LYPD6: variants seen among roughly 807,000 people sequenced by gnomAD.
LYPD6 encodes LY6/PLAUR domain containing 6, also known as ly6/PLAUR domain-containing protein 6.
In LYPD6, 15 loss-of-function variants were observed where a neutral mutation model predicts 22.7. That is an observed-to-expected ratio of 0.66 (90% confidence interval 0.44 to 1.02). The LOEUF is 1.02. LYPD6 is among the 50% of genes least tolerant of loss of function. The pLI, the probability that LYPD6 is intolerant of heterozygous loss-of-function variation, is 0.00. For synonymous variants in LYPD6, 72 were observed against 77.5 expected, an observed-to-expected ratio of 0.93 and a Z score of 0.37; for missense variants, 189 against 208.4, an observed-to-expected ratio of 0.91 and a Z score of 0.57.
chr2:149,340,703 T>C (rs1033888976), intron 1 of LYPD6, among the ~76,000 whole-genome samples: 21 of 152,174 alleles, frequency 1.4e-4, no homozygotes, highest in East Asian at 7.7e-4. Context: ...AACCAACATA[T>C]AGTTTTTGAC....
At chr2:149,461,368 T>C (rs748208928) in intron 3 of LYPD6, among the ~76,000 whole-genome samples, 1 of 151,920 alleles carries the variant, frequency 6.6e-6, no homozygotes, top group Non-Finnish European at 1.5e-5. Flanking sequence ...AATAGTCCTA[T>C]AACTCCTAAG....
chr2:149,407,470 C>T lies in LYPD6; in HGVS notation c.-71-30168C>T, dbSNP rs537619933. ...TTTCTCTAAACTTCCCTTCTCGCTT[C>T]ATTTCATTCATTTGATCTTCCATCA... is the stretch of plus-strand genomic sequence containing the variant. On this transcript the variant is annotated intron_variant, in intron 1 of 4. Transcript: ENST00000334166. Among the ~76,000 whole-genome samples the T allele has an allele frequency of 1.1e-3, 174 of 152,304 alleles. 4 individuals are homozygous for T. In the South Asian group the frequency reaches 0.033, roughly 29 times the overall value.
intron 3 of LYPD6, among the ~76,000 whole-genome samples, chr2:149,455,992 C>T (rs888500395): frequency 1.4e-4 from 21 of 152,162 alleles, no homozygotes; most frequent in Admixed American, 9.2e-4. Context: ...GTGATTCAGT[C>T]AGTTTGATGA....
At chr2:149,360,983 A>C (rs1480813826) in intron 1 of LYPD6, among the ~76,000 whole-genome samples, 1 of 152,210 alleles carries the variant, frequency 6.6e-6, no homozygotes, top group East Asian at 1.9e-4. Flanking sequence ...TAGGAAAAGA[A>C]AAGTTGTTTT....
chr2:149,473,345 T>C lies in LYPD6; in HGVS notation c.*2495T>C, dbSNP rs1681386399. The C allele has an allele frequency of 6.6e-6, 1 of 152,592 alleles. No homozygotes were observed. Among genetic ancestry groups the C allele is most frequent in the Admixed American group, 6.5e-5 (1 of 15,282 alleles). The allele number at this position is 152,592 out of a possible 1,614,324, so 9.5% of individuals were successfully genotyped here. A position where few individuals can be genotyped will look rare whatever the true frequency, so the allele number is the denominator to read the frequency against. On this transcript the variant is annotated 3_prime_UTR_variant, in exon 5 of 5. Transcript: ENST00000334166. The stretch of plus-strand genomic sequence containing the variant: ...GTTTAATTCTCTTGAAAGAAAGTTA[T>C]TTGCTCACTATCCCCAGCCTCAAGG...
chr2:149,442,023 T>C (rs1315091112), intron 2 of LYPD6, among the ~76,000 whole-genome samples: 1 of 152,208 alleles, frequency 6.6e-6, no homozygotes, highest in Non-Finnish European at 1.5e-5. Context: ...TAAGGGGACT[T>C]TCTAGGAAGG....
chr2:149,332,418 A>C (rs1420356), intron 1 of LYPD6, among the ~76,000 whole-genome samples: 1 of 152,030 alleles, frequency 6.6e-6, no homozygotes. Flanking sequence ...ATAATGCATA[A>C]ATCGGGCTGA....
chr2:149,423,145 A>C (rs1370464790), intron 1 of LYPD6, among the ~76,000 whole-genome samples: 1 of 152,038 alleles, frequency 6.6e-6, no homozygotes, highest in African/African-American at 2.4e-5. Context: ...GGGTGACCTC[A>C]TATGTACCTG....
Position 149,387,721 on chromosome 2 carries a change from C to T in LYPD6, c.-71-49917C>T, listed in dbSNP as rs1682218725. ...CTCCCAGCAAGGGGAATAGGTCAGA[C>T]AAATGTGGGTGAGTGAGAGAATATA... On this transcript the variant is annotated intron_variant, in intron 1 of 4. Transcript: ENST00000334166. Among the ~76,000 whole-genome samples the T allele has an allele frequency of 2.6e-5, 4 of 152,032 alleles. 1 individual carries two copies. The South Asian group carries it at 8.3e-4, about 31-fold the overall frequency.
In LYPD6 at chr2:149,472,417, G is replaced by T. The variant is rs1412538924; in HGVS notation, c.*1567G>T. On this transcript the variant is annotated 3_prime_UTR_variant, in exon 5 of 5. Transcript: ENST00000334166. ...TTCAGATGTGTTTTTGTGAAACTTG[G>T]TAGAACCATGGCTAATAAAGAGGAC... is the stretch of plus-strand genomic sequence containing the variant. 6.6e-6 allele frequency: 1 copy of T among 152,542 alleles called. No individual in the cohort carries two copies. Among genetic ancestry groups the T allele is most frequent in the Non-Finnish European group, 1.5e-5 (1 of 68,018 alleles). The allele number at this position is 152,542 out of a possible 1,614,324, so 9.4% of individuals were successfully genotyped here.
intron 1 of LYPD6, among the ~76,000 whole-genome samples, chr2:149,389,999 A>G (rs1341448366): frequency 6.6e-6 from 1 of 152,204 alleles, no homozygotes; most frequent in East Asian, 1.9e-4. Context: ...ATTTTCCCAA[A>G]TGGAATAATA....
At chr2:149,476,856 G>A (rs534441868), downstream of LYPD6, among the ~76,000 whole-genome samples, 3 of 152,272 alleles carry the variant, frequency 2.0e-5, no homozygotes, top group South Asian at 6.2e-4. Context: ...GCTACCTCCT[G>A]GCTAAGCTTT....
intron 3 of LYPD6, 40 bp from the exon 4 acceptor site, chr2:149,468,595 GCAGGTTTGGT>G (rs1472082999): frequency 2.5e-6 from 4 of 1,588,724 alleles, no homozygotes; most frequent in Admixed American, 1.7e-5. Flanking sequence ...TTCCTTTTAG[GCAGGTTTGGT>G]CAACATTTCC....
intron 1 of LYPD6, among the ~76,000 whole-genome samples, chr2:149,362,604 A>G (rs72991469): frequency 0.022 from 3,310 of 152,262 alleles, 97 homozygotes; most frequent in African/African-American, 0.074. Context: ...TCATGGTTCC[A>G]GAGTCTGAGA....
At chr2:149,340,534 C>T (rs921993548) in intron 1 of LYPD6, among the ~76,000 whole-genome samples, 1 of 152,124 alleles carries the variant, frequency 6.6e-6, no homozygotes, top group Non-Finnish European at 1.5e-5. Context: ...CCACCAGTTG[C>T]TACCTGTGTG....
chr2:149,456,558 A>T (rs888847082), intron 3 of LYPD6, among the ~76,000 whole-genome samples: 5 of 152,120 alleles, frequency 3.3e-5, no homozygotes, highest in African/African-American at 1.2e-4. Context: ...GTTTTTAGAG[A>T]GGTAATTAAG....
chr2:149,440,678 G>A (rs374431944), intron 2 of LYPD6, among the ~76,000 whole-genome samples: 4 of 139,564 alleles, frequency 2.9e-5, no homozygotes, highest in East Asian at 2.1e-4. Flanking sequence ...CCAGAACTTC[G>A]TTTATTCTGT....
intron 1 of LYPD6, among the ~76,000 whole-genome samples, chr2:149,364,651 C>T (rs1681628191): frequency 6.7e-6 from 1 of 148,738 alleles, no homozygotes; most frequent in Non-Finnish European, 1.5e-5. Context: ...CATTTTTGTT[C>T]CTCTCTCATT....
At chr2:149,361,098 G>T (rs911588752) in intron 1 of LYPD6, among the ~76,000 whole-genome samples, 1 of 152,180 alleles carries the variant, frequency 6.6e-6, no homozygotes, top group Non-Finnish European at 1.5e-5. Flanking sequence ...ATATACATGG[G>T]AGATACCCAG....
Sources: allele counts gnomAD v4.1 joint callset (sites outside exome capture counted in the v4.1 genomes callset), GRCh38; gene constraint gnomAD v4.1.1; transcripts MANE v1.5; gene names NCBI Gene and HGNC (gene_info 2026-07-23, HGNC 2026-07-21).